Variants in TMEM8B observed in about 807,000 individuals in gnomAD.
TMEM8B encodes transmembrane protein 8B, also known as nasopharyngeal carcinoma expressed 6.
In TMEM8B, 29 loss-of-function variants were observed where a neutral mutation model predicts 49.3. The ratio of observed to expected loss-of-function variants is 0.59; its 90% CI spans 0.44 to 0.80. The LOEUF is 0.80. Among genes scored for constraint, TMEM8B ranks in the 30% least tolerant of loss-of-function variants. TMEM8B has a pLI of 0.00. For synonymous variants in TMEM8B, 264 were observed against 272.8 expected (o/e 0.97, Z 0.32); for missense variants, 575 against 658.5 (o/e 0.87, Z 1.39).
chr9:35,846,981 A>G lies in TMEM8B; in HGVS notation c.2161A>G (p.Met721Val). The change falls in exon 10 of 13, where the codon ATG (methionine) becomes GTG (valine). Residue 721 changes from methionine (M) to valine (V), a missense_variant. Transcript: ENST00000643932. ...GGAAGCTGCAGTCTACACCTTCACCATGTTCTTCTCCACGGTATGCGGTGG... is the reference window on the plus strand; with the variant it reads ...GGAAGCTGCAGTCTACACCTTCACCGTGTTCTTCTCCACGGTATGCGGTGG... ...VLEAAVYTFT[M>V]FFSTFYHACD... is the part of the protein sequence containing the mutation. 1 of 1,614,030 alleles carries G rather than the reference A, an allele frequency of 6.2e-7. No individual in the cohort carries two copies. Among genetic ancestry groups the G allele is most frequent in the South Asian group, 1.1e-5 (1 of 91,078 alleles).
rs560596808 is a variant in TMEM8B at position 35,859,195 on chromosome 9, C to T, written c.*5355C>T. The stretch of plus-strand genomic sequence containing the variant: ...GCGACAGTCTTATCCACGTTGGGAT[C>T]CTTGGCCTTGGGTTTGAAGTACATG... On this transcript the variant is annotated 3_prime_UTR_variant, in exon 13 of 13. Transcript: ENST00000643932. The T allele has an allele frequency of 1.0e-3, 161 of 154,318 alleles. 1 individual carries two copies. Among genetic ancestry groups the T allele is most frequent in the Non-Finnish European group, 1.4e-3 (95 of 68,626 alleles). The allele number at this position is 154,318 out of a possible 1,614,324, so 9.6% of individuals were successfully genotyped here. A position where few individuals can be genotyped will look rare whatever the true frequency, so the allele number is the denominator to read the frequency against.
chr9:35,837,792 C>T (rs534960066), intron 3 of TMEM8B, among the ~76,000 whole-genome samples: 1 of 152,142 alleles, frequency 6.6e-6, no homozygotes, highest in African/African-American at 2.4e-5. Flanking sequence ...CTGTCTTGTC[C>T]CCGGCCTCCA....
chr9:35,839,777 C>T (rs961362786), intron 3 of TMEM8B, among the ~76,000 whole-genome samples: 7 of 152,114 alleles, frequency 4.6e-5, no homozygotes, highest in African/African-American at 1.4e-4. Flanking sequence ...TTTGGTTCTT[C>T]GGGTTTGACA....
In TMEM8B at chr9:35,841,898, C is replaced by A; in HGVS notation, c.1309+104C>A. 1 of 412,190 alleles carries A rather than the reference C, an allele frequency of 2.4e-6. No individual in the cohort carries two copies. The allele number at this position is 412,190 out of a possible 1,614,324, so 25.5% of individuals were successfully genotyped here. A position where few individuals can be genotyped will look rare whatever the true frequency, so the allele number is the denominator to read the frequency against. The stretch of plus-strand genomic sequence containing the variant: ...CCTCTGCCATATCCCTACAACCTCC[C>A]CTCCCCATCCCAAGCTCCTTCATGC... On this transcript the variant is annotated intron_variant, in intron 5 of 12. Transcript: ENST00000643932. The surrounding 1 kb of genome is among the most constrained non-coding windows in gnomAD (Gnocchi z 5.9).
At chr9:35,850,697 C>T (rs1832056205) in intron 10 of TMEM8B, among the ~76,000 whole-genome samples, 1 of 152,022 alleles carries the variant, frequency 6.6e-6, no homozygotes, top group African/African-American at 2.4e-5. Context: ...TCAATTATTC[C>T]CCTAGATGTG....
In TMEM8B at chr9:35,842,328, T is replaced by C; in HGVS notation, c.1310-64T>C. 1 of 1,263,726 alleles carries C rather than the reference T, an allele frequency of 7.9e-7. No homozygotes were observed. Among genetic ancestry groups the C allele is most frequent in the Non-Finnish European group, 1.1e-6 (1 of 935,178 alleles). The allele number at this position is 1,263,726 out of a possible 1,614,324, so 78.3% of individuals were successfully genotyped here. A position where few individuals can be genotyped will look rare whatever the true frequency, so the allele number is the denominator to read the frequency against. On this transcript the variant is annotated intron_variant, in intron 5 of 12. Transcript: ENST00000643932. This position sits in a 1 kb window ranked among gnomAD's most constrained non-coding sequence, Gnocchi z 5.6. ...CGAAATCCTGTCTAGCTCAGATGTG[T>C]TTATGAGTAAGTTCAGGACTGTAAA...
intron 10 of TMEM8B, among the ~76,000 whole-genome samples, chr9:35,851,353 C>T (rs1832118704): frequency 6.6e-6 from 1 of 152,102 alleles, no homozygotes; most frequent in Non-Finnish European, 1.5e-5. Context: ...CCATGTCGCC[C>T]AGGCTGGTCT....
chr9:35,848,305 A>G (rs1831808601), intron 10 of TMEM8B, among the ~76,000 whole-genome samples: 1 of 152,058 alleles, frequency 6.6e-6, no homozygotes, highest in Admixed American at 6.5e-5. Context: ...GCCTCATTCT[A>G]TTTTTATGTT....
rs1186616015 is a variant in TMEM8B, at chr9:35,855,417, G to T, written c.*1577G>T. The T allele has an allele frequency of 2.6e-5, 4 of 151,752 alleles. No homozygotes were observed. The highest frequency in any genetic ancestry group is 9.7e-5 in the African/African-American group (4 of 41,274). The allele number at this position is 151,752 out of a possible 1,614,324, so 9.4% of individuals were successfully genotyped here. On this transcript the variant is annotated 3_prime_UTR_variant, in exon 13 of 13. Transcript: ENST00000643932. ...CCTGAATCTTTTTTTTTTTGAGACG[G>T]AGTTTTGCTCTTGTTGCCCAGGCTG...
chr9:35,842,445 A>C lies in TMEM8B; in HGVS notation c.1363A>C (p.Met455Leu). The C allele has an allele frequency of 6.4e-7, 1 of 1,570,686 alleles. No individual in the cohort carries two copies. The highest frequency in any genetic ancestry group is 2.3e-5 in the East Asian group (1 of 44,424). The change falls in exon 6 of 13, where the codon ATG (methionine) becomes CTG (leucine). Residue 455 changes from methionine (M) to leucine (L), a missense_variant. Physicochemically the swap from Met to Leu is conservative, Grantham distance 15 (BLOSUM62 2). Transcript: ENST00000643932. The surrounding 1 kb of genome is among the most constrained non-coding windows in gnomAD (Gnocchi z 5.6). ...RALVPGAAMN[M>L]PQSLGNQPLP... ...CCTGGTCCCTGGAGCTGCCATGAAC[A>C]TGCCCCAGTCCCTGGGCAACCAGCC...
In TMEM8B at chr9:35,842,462, C is replaced by A. The variant is rs777979550; in HGVS notation, c.1380C>A (p.Gly460=). 1 of 1,586,168 alleles carries A rather than the reference C, an allele frequency of 6.3e-7. No homozygotes were observed. Among genetic ancestry groups the A allele is most frequent in the East Asian group, 2.2e-5 (1 of 44,540 alleles). The change falls in exon 6 of 13, where the codon GGC becomes GGA. Residue 460 remains glycine (G), a synonymous_variant. Coordinates refer to ENST00000643932, the MANE Select transcript of TMEM8B (RefSeq NM_001042590.4). This position sits in a 1 kb window ranked among gnomAD's most constrained non-coding sequence, Gnocchi z 5.6. ...GAAMNMPQSL[G]NQPLPPEPPS... is the part of the protein sequence containing the mutation. ...CCATGAACATGCCCCAGTCCCTGGGCAACCAGCCACTGCCCCCAGAACCGC... is the reference window on the plus strand; with the variant it reads ...CCATGAACATGCCCCAGTCCCTGGGAAACCAGCCACTGCCCCCAGAACCGC...
At chr9:35,831,663 C>T (rs1232108971) in intron 1 of TMEM8B, among the ~76,000 whole-genome samples, 1 of 152,204 alleles carries the variant, frequency 6.6e-6, no homozygotes, top group Non-Finnish European at 1.5e-5. Flanking sequence ...ATTGAGCAAG[C>T]ATTGGGCTGG....
In TMEM8B at chr9:35,829,710, T is replaced by G. The variant is rs545852465; in HGVS notation, c.263T>G (p.Leu88Arg). ...GCCCTGGCTCAACCCCGTCCCTTGC[T>G]GCAGTCCCCATCACAGCCCTTCCTT... ...LKALAQPRPL[L>R]QSPSQPFLPS... Residue 88 changes from leucine to arginine, a missense_variant, in exon 1 of 13, where the codon CTG becomes CGG. Physicochemically the swap from Leu to Arg is moderately radical, Grantham distance 102. Coordinates refer to ENST00000643932, the MANE Select transcript of TMEM8B (RefSeq NM_001042590.4). 3 of 406,778 alleles carry G rather than the reference T, an allele frequency of 7.4e-6. No homozygotes were observed. The East Asian group carries it at 1.1e-4, about 14-fold the overall frequency. The allele number at this position is 406,778 out of a possible 1,614,324, so 25.2% of individuals were successfully genotyped here.
At chr9:35,835,310 T>A (rs1272034980) in intron 3 of TMEM8B, 92 bp downstream of exon 3, 1 of 406,320 alleles carries the variant, frequency 2.5e-6, no homozygotes, top group Non-Finnish European at 4.4e-6. Flanking sequence ...ACCAGCCTTG[T>A]GTCAGGGTGG....
At position 35,857,528 on chromosome 9, in the gene TMEM8B, T is replaced by G. The variant is rs975129245; in HGVS notation, c.*3688T>G. ...ATAATGTAGCGAGGGGACAGCCATGTGAAGGGCATAGTGGAAAATCAGGCT... is the reference window on the plus strand; with the variant it reads ...ATAATGTAGCGAGGGGACAGCCATGGGAAGGGCATAGTGGAAAATCAGGCT... On this transcript the variant is annotated 3_prime_UTR_variant, in exon 13 of 13. Coordinates refer to ENST00000643932, the MANE Select transcript of TMEM8B (RefSeq NM_001042590.4). 1 of 152,308 alleles carries G rather than the reference T, an allele frequency of 6.6e-6. No homozygotes were observed. The highest frequency in any genetic ancestry group is 1.5e-5 in the Non-Finnish European group (1 of 68,086). 9.4% of individuals were successfully genotyped at this position (152,308 alleles called of 1,614,324 possible). A position where few individuals can be genotyped will look rare whatever the true frequency, so the allele number is the denominator to read the frequency against.
In TMEM8B at chr9:35,842,301, TG is replaced by T; in HGVS notation, c.1310-90del. 2.0e-6 allele frequency: 2 copies of T among 1,011,196 alleles called. No homozygotes were observed. The highest frequency in any genetic ancestry group is 2.8e-6 in the Non-Finnish European group (2 of 719,828). 62.6% of individuals were successfully genotyped at this position (1,011,196 alleles called of 1,614,324 possible). On this transcript the variant is annotated intron_variant, in intron 5 of 12. Transcript: ENST00000643932. The surrounding 1 kb of genome is among the most constrained non-coding windows in gnomAD (Gnocchi z 5.6). Reference sequence around the variant, plus strand: ...CTAGTTCTCATCCTTCCCCACTCTTTGCGAAATCCTGTCTAGCTCAGATGTG... The same window carrying T: ...CTAGTTCTCATCCTTCCCCACTCTTTCGAAATCCTGTCTAGCTCAGATGTG...
In TMEM8B at chr9:35,842,286, T is replaced by G. The variant is rs1321077145; in HGVS notation, c.1310-106T>G. On this transcript the variant is annotated intron_variant, in intron 5 of 12. Coordinates refer to ENST00000643932, the MANE Select transcript of TMEM8B (RefSeq NM_001042590.4). This position sits in a 1 kb window ranked among gnomAD's most constrained non-coding sequence, Gnocchi z 5.6. ...AAGGGACATCGCATTCTAGTTCTCA[T>G]CCTTCCCCACTCTTTGCGAAATCCT... 2 of 851,430 alleles carry G rather than the reference T, an allele frequency of 2.3e-6. No homozygotes were observed. Among genetic ancestry groups the G allele is most frequent in the Non-Finnish European group, 1.7e-6 (1 of 578,426 alleles). The allele number at this position is 851,430 out of a possible 1,614,324, so 52.7% of individuals were successfully genotyped here. A position where few individuals can be genotyped will look rare whatever the true frequency, so the allele number is the denominator to read the frequency against.
In TMEM8B at chr9:35,829,575, A is replaced by T. The variant is rs1436162227; in HGVS notation, c.128A>T (p.Gln43Leu). Residue 43 changes from glutamine (Q) to leucine (L), a missense_variant, in exon 1 of 13, where the codon CAG (glutamine) becomes CTG (leucine). Physicochemically the swap from Gln to Leu is moderately radical, Grantham distance 113. Transcript: ENST00000643932. ...LPGSPSRTPF[Q>L]SLPLAWPPSR... ...GGGTCCCCATCCAGGACCCCCTTCC[A>T]GTCTCTGCCCCTGGCCTGGCCCCCA... 2 of 182,138 alleles carry T rather than the reference A, an allele frequency of 1.1e-5. No individual in the cohort carries two copies. The highest frequency in any genetic ancestry group is 1.9e-5 in the Non-Finnish European group (2 of 105,528). 11.3% of individuals were successfully genotyped at this position (182,138 alleles called of 1,614,324 possible).
chr9:35,835,002 G>A lies in TMEM8B; in HGVS notation c.699-9G>A, dbSNP rs1830307134. 2.4e-6 allele frequency: 1 copy of A among 415,442 alleles called. No homozygotes were observed. Among genetic ancestry groups the A allele is most frequent in the Admixed American group, 4.4e-5 (1 of 22,718 alleles). The allele number at this position is 415,442 out of a possible 1,614,324, so 25.7% of individuals were successfully genotyped here. A position where few individuals can be genotyped will look rare whatever the true frequency, so the allele number is the denominator to read the frequency against. ...CTGCTTTCCTCCTCTCCTAATTCTGGTCCCCCAGGTATTTCCGGTCCGGGG... is the reference window on the plus strand; with the variant it reads ...CTGCTTTCCTCCTCTCCTAATTCTGATCCCCCAGGTATTTCCGGTCCGGGG... On this transcript the variant is annotated splice_polypyrimidine_tract_variant and intron_variant, in intron 2 of 12. Transcript: ENST00000643932.
Sources: allele counts gnomAD v4.1 joint callset (sites outside exome capture counted in the v4.1 genomes callset), GRCh38; gene constraint gnomAD v4.1.1; non-coding constraint Gnocchi (gnomAD v3.1); transcripts MANE v1.5; gene names NCBI Gene and HGNC (gene_info 2026-07-23, HGNC 2026-07-21).